SH3TC1: variants seen among roughly 807,000 people sequenced by gnomAD.
The protein encoded by SH3TC1 is SH3 domain and tetratricopeptide repeat-containing protein 1.
SH3TC1 carries 135 observed loss-of-function variants against 117.3 expected under a neutral mutation model. The observed-to-expected ratio is 1.15, with a 90% CI of 1.00 to 1.33. The LOEUF (loss-of-function observed/expected upper bound fraction) is 1.33, where lower values mean the gene tolerates loss of function less well. Ranked by LOEUF, SH3TC1 falls within the 40% of genes most tolerant of loss-of-function variation. The probability of loss-of-function intolerance (pLI) is 0.00; values close to 1 mark genes in which losing one functional copy is unlikely to be tolerated. For missense variants in SH3TC1, 2,092 were observed against 1,794.3 expected (o/e 1.17, Z -3.00); for synonymous variants, 898 against 816.9 (o/e 1.10, Z -1.69).
chr4:8,236,646 T>C, intron 16 of SH3TC1: 1 of 499,760 alleles, frequency 2.0e-6, no homozygotes, highest in Non-Finnish European at 3.3e-6. Flanking sequence ...CTGCTTCCTG[T>C]GCCTCTTCCC....
Position 8,185,286 on chromosome 4 carries a change from A to G in SH3TC1, c.-57+3076A>G, listed in dbSNP as rs376392458. ...GGGATGCGGAGGTTGTGGGGAGCCG[A>G]GATTGAGCAGTTACACTACAGCCTG... is the stretch of plus-strand genomic sequence containing the variant. On this transcript the variant is annotated intron_variant, in intron 1 of 16. Coordinates refer to the SH3TC1 transcript ENST00000508641. Among the ~76,000 whole-genome samples, 14 of 152,156 alleles carry G rather than the reference A, an allele frequency of 9.2e-5. No individual in the cohort carries two copies. In the South Asian group the frequency reaches 1.2e-3, roughly 14 times the overall value.
chr4:8,240,564 A>C, intron 17 of SH3TC1, 134 bp from the exon 18 acceptor site: 1 of 1,391,190 alleles, frequency 7.2e-7, no homozygotes, highest in East Asian at 2.3e-5. Context: ...AGCCCACAGC[A>C]GTGTCACAGG....
upstream of SH3TC1, among the ~76,000 whole-genome samples, chr4:8,198,028 T>C (rs1578641700): frequency 6.6e-6 from 1 of 152,118 alleles, no homozygotes; most frequent in African/African-American, 2.4e-5. Flanking sequence ...GCTGCTATGA[T>C]TAGAGGAGGG....
Position 8,217,041 on chromosome 4 carries a change from G to C in SH3TC1, c.713G>C (p.Arg238Thr). The change falls in exon 7 of 18, where the codon AGG (arginine) becomes ACG (threonine). Residue 238 changes from arginine (R) to threonine (T), a missense_variant. Arg to Thr is a moderately conservative substitution (Grantham distance 71). Coordinates refer to ENST00000245105, the MANE Select transcript of SH3TC1 (RefSeq NM_018986.5). ...RDAGNGPQAL[R>T]QASGAPQGEA... is the part of the protein sequence containing the mutation. Reference sequence around the variant, plus strand: ...GCAGGAAATGGCCCCCAGGCCCTCAGGCAGGCTTCGGGGGCACCCCAGGGA... The same window carrying C: ...GCAGGAAATGGCCCCCAGGCCCTCACGCAGGCTTCGGGGGCACCCCAGGGA... The C allele has an allele frequency of 6.2e-7, 1 of 1,613,464 alleles. No homozygotes were observed. The highest frequency in any genetic ancestry group is 8.5e-7 in the Non-Finnish European group (1 of 1,179,722).
At chr4:8,187,456 C>CG (rs1554130508) in intron 1 of SH3TC1, among the ~76,000 whole-genome samples, 10 of 152,078 alleles carry the variant, frequency 6.6e-5, no homozygotes, top group Non-Finnish European at 8.8e-5. Context: ...TTCTTTTGCC[C>CG]GGGGGGGTCT....
intron 1 of SH3TC1, among the ~76,000 whole-genome samples, chr4:8,188,456 T>C (rs1717295893): frequency 6.6e-6 from 1 of 152,222 alleles, no homozygotes; most frequent in African/African-American, 2.4e-5. Context: ...TGGCAGGTGT[T>C]GGGCCTGGGC....
At chr4:8,224,893 A>T (rs1720314297) in intron 10 of SH3TC1, 2 of 437,988 alleles carry the variant, frequency 4.6e-6, no homozygotes, top group Non-Finnish European at 4.1e-6. Context: ...AGGCCTGGAG[A>T]TGCTAGAACA....
In SH3TC1 at chr4:8,225,406, C is replaced by T. The variant is rs1197583140; in HGVS notation, c.1285+190C>T. ...CTCCCGTCCACTGTGGCACTGGAGG[C>T]CGTGGGGTCCCGCACTTCTTCCAAT... On this transcript the variant is annotated intron_variant, in intron 11 of 17. Transcript: ENST00000245105. This position sits in a 1 kb window ranked among gnomAD's most constrained non-coding sequence, Gnocchi z 5.5. Among the ~76,000 whole-genome samples, 1 of 152,156 alleles carries T rather than the reference C, an allele frequency of 6.6e-6. No individual in the cohort carries two copies. Among genetic ancestry groups the T allele is most frequent in the Admixed American group, 6.5e-5 (1 of 15,272 alleles).
At chr4:8,222,364 T>G (rs1197611190) in intron 9 of SH3TC1, among the ~76,000 whole-genome samples, 4 of 18,520 alleles carry the variant, frequency 2.2e-4, no homozygotes, top group African/African-American at 4.2e-4. Context: ...GGATCTGGTT[T>G]TTTTTTTTTT....
rs775349319 is a variant in SH3TC1, at chr4:8,219,545, C to A, written c.1112+15C>A. On this transcript the variant is annotated intron_variant, in intron 9 of 17. Coordinates refer to ENST00000245105, the MANE Select transcript of SH3TC1 (RefSeq NM_018986.5). ...CCCGTGTCCGAGTGAGTGGCTGGAGCCCCGCCCCTTTCCTGAACCCACCCC... is the reference window on the plus strand; with the variant it reads ...CCCGTGTCCGAGTGAGTGGCTGGAGACCCGCCCCTTTCCTGAACCCACCCC... 1.3e-6 allele frequency: 2 copies of A among 1,513,816 alleles called. No individual in the cohort carries two copies. The highest frequency in any genetic ancestry group is 2.1e-5 in the Admixed American group (1 of 47,446). The allele number at this position is 1,513,816 out of a possible 1,614,324, so 93.8% of individuals were successfully genotyped here.
upstream of SH3TC1, among the ~76,000 whole-genome samples, chr4:8,196,188 A>G (rs928252013): frequency 1.3e-5 from 2 of 152,218 alleles, no homozygotes; most frequent in East Asian, 3.9e-4. This position sits in a 1 kb window ranked among gnomAD's most constrained non-coding sequence, Gnocchi z 4.6. Flanking sequence ...AATCTTTACG[A>G]TGACTCAGGG....
At chr4:8,201,179 T>G (rs1179473467) in intron 1 of SH3TC1, among the ~76,000 whole-genome samples, 1 of 152,090 alleles carries the variant, frequency 6.6e-6, no homozygotes, top group Non-Finnish European at 1.5e-5. Context: ...CCCAAACCCA[T>G]TCAGGGCTGG....
intron 16 of SH3TC1, chr4:8,237,097 G>A (rs1283185302): frequency 4.5e-6 from 1 of 223,052 alleles, no homozygotes; most frequent in Non-Finnish European, 8.7e-6. Flanking sequence ...CAAGGTAGGG[G>A]ACTCTGATGA....
rs1481237220 is a variant in SH3TC1 at position 8,209,178 on chromosome 4, G to A, written c.173-570G>A. On this transcript the variant is annotated intron_variant, in intron 2 of 17. Transcript: ENST00000245105. This position sits in a 1 kb window ranked among gnomAD's most constrained non-coding sequence, Gnocchi z 5.9. ...CCATGTCCTTATCCCCACGACCTAC[G>A]CCTGCATTACCTCATCCAGCAAAGG... Among the ~76,000 whole-genome samples the A allele has an allele frequency of 3.3e-5, 5 of 152,144 alleles. No individual in the cohort carries two copies. The highest frequency in any genetic ancestry group is 7.2e-5 in the African/African-American group (3 of 41,422).
chr4:8,229,854 G>C (rs115831246), intron 12 of SH3TC1, among the ~76,000 whole-genome samples: 3 of 152,094 alleles, frequency 2.0e-5, no homozygotes, highest in African/African-American at 2.4e-5. Flanking sequence ...GGCCCTCCCC[G>C]GGGTGCTGGG....
chr4:8,191,660 C>T lies in SH3TC1; in HGVS notation c.-57+9450C>T, dbSNP rs181406099. On this transcript the variant is annotated intron_variant, in intron 1 of 16. Transcript: ENST00000508641. ...AGGCTAGCGGCTTATCATGCCGGCC[C>T]GGATACACCCGTCCTCAAACTTGGG... Among the ~76,000 whole-genome samples the T allele has an allele frequency of 1.4e-3, 216 of 152,290 alleles. 2 individuals carry two copies. The highest frequency in any genetic ancestry group is 3.4e-3 in the Middle Eastern group (1 of 292).
At chr4:8,211,122 C>G (rs925844809) in intron 3 of SH3TC1, among the ~76,000 whole-genome samples, 1 of 102,168 alleles carries the variant, frequency 9.8e-6, no homozygotes, top group East Asian at 3.7e-4. Context: ...TTTTCTTCCC[C>G]CTCCTGGTTT....
At chr4:8,212,629 G>A (rs1718847083) in intron 3 of SH3TC1, 72 bp from the exon 4 acceptor site, 1 of 1,602,084 alleles carries the variant, frequency 6.2e-7, no homozygotes, top group South Asian at 1.1e-5. Flanking sequence ...AGGCTGGCAG[G>A]TGGAGTACAG....
intron 4 of SH3TC1, 77 bp downstream of exon 4, chr4:8,212,905 A>C (rs1375819673): frequency 6.8e-7 from 1 of 1,472,094 alleles, no homozygotes; most frequent in African/African-American, 1.4e-5. Flanking sequence ...GCAGTGTCTG[A>C]GACTGGGGAC....
Sources: gnomAD v4.1 joint callset for allele counts (sites outside exome capture counted in the v4.1 genomes callset) on GRCh38, gnomAD v4.1.1 for gene constraint, Gnocchi (gnomAD v3.1) non-coding constraint, MANE v1.5 for transcripts, NCBI Gene and HGNC (gene_info 2026-07-23, HGNC 2026-07-21) for gene names.